FBH1: variants seen among roughly 807,000 people sequenced by gnomAD.
The protein encoded by FBH1 is F-box DNA helicase 1, also known as DNA 3'-5' helicase 1.
FBH1 carries 43 observed loss-of-function variants against 115.5 expected under a neutral mutation model. The ratio of observed to expected loss-of-function variants is 0.37; its 90% CI spans 0.29 to 0.48. The LOEUF is 0.48. FBH1 is among the 20% of genes least tolerant of loss of function. The pLI is 0.99. For synonymous variants in FBH1, 524 were observed against 507.8 expected, an observed-to-expected ratio of 1.03 and a Z score of -0.43; for missense variants, 1,001 against 1,337.3, an observed-to-expected ratio of 0.75 and a Z score of 3.92.
rs1454191347 is a variant in FBH1 at position 5,936,527 on chromosome 10, G to A, written c.2901G>A (p.Gln967=). ...KTGVVRCCVG[Q]CNNAIPVDTV... ...GCGTGGTGCGCTGCTGCGTGGGACA[G>A]TGCAACAATGCCATCCCTGTTGACA... is the stretch of plus-strand genomic sequence containing the variant. The change falls in exon 20 of 21, where the codon CAG becomes CAA. Residue 967 remains glutamine, a synonymous_variant. Transcript: ENST00000362091. The surrounding 1 kb of genome is among the most constrained non-coding windows in gnomAD (Gnocchi z 5.6). The A allele has an allele frequency of 6.2e-7, 1 of 1,614,198 alleles. No individual in the cohort carries two copies. Among genetic ancestry groups the A allele is most frequent in the South Asian group, 1.1e-5 (1 of 91,088 alleles).
Position 5,917,943 on chromosome 10 carries a change from G to A in FBH1, c.1963+267G>A, listed in dbSNP as rs1258640698. Reference sequence around the variant, plus strand: ...AGGGACCTAGACTCATGCTCTGTGGGAAGAGATCGTCCATTGACAGGGAAA... The same window carrying A: ...AGGGACCTAGACTCATGCTCTGTGGAAAGAGATCGTCCATTGACAGGGAAA... On this transcript the variant is annotated intron_variant, in intron 12 of 20. Transcript: ENST00000362091. This position sits in a 1 kb window ranked among gnomAD's most constrained non-coding sequence, Gnocchi z 5.6. Among the ~76,000 whole-genome samples the A allele has an allele frequency of 6.6e-6, 1 of 152,202 alleles. No individual in the cohort carries two copies. Among genetic ancestry groups the A allele is most frequent in the Non-Finnish European group, 1.5e-5 (1 of 68,046 alleles).
At chr10:5,894,606 A>G in intron 1 of FBH1, 5 of 757,460 alleles carry the variant, frequency 6.6e-6, no homozygotes, top group South Asian at 4.2e-5. Flanking sequence ...CAAAAGCTGT[A>G]AAGCACTTAG....
rs1407699228 is a variant in FBH1, at chr10:5,911,164, T to C, written c.1211+36T>C. 3 of 1,579,810 alleles carry C rather than the reference T, an allele frequency of 1.9e-6. No homozygotes were observed. The African/African-American group carries it at 4.0e-5, about 21-fold the overall frequency. On this transcript the variant is annotated intron_variant, in intron 6 of 20. Coordinates refer to ENST00000362091, the MANE Select transcript of FBH1 (RefSeq NM_178150.3). The surrounding 1 kb of genome is among the most constrained non-coding windows in gnomAD (Gnocchi z 5.4). ...GGGAGGAGGGGAGGGGATGCTGTGA[T>C]AATGGGAGAGTCCCAGACACAGCAG...
At chr10:5,902,559 T>C (rs995475590) in intron 1 of FBH1, among the ~76,000 whole-genome samples, 12 of 152,038 alleles carry the variant, frequency 7.9e-5, no homozygotes, top group African/African-American at 2.9e-4. Context: ...CTCCACCTCT[T>C]GGGTTCAAGC....
At position 5,917,659 on chromosome 10, in the gene FBH1, C is replaced by A; in HGVS notation, c.1946C>A (p.Ala649Asp). The stretch of plus-strand genomic sequence containing the variant: ...TTTGACGCCATCTTTGTGGATGAGG[C>A]CCAGGACTGCACACCAGGTGATACA... ...ASFDAIFVDE[A>D]QDCTPAIMNI... is the part of the protein sequence containing the mutation. The change falls in exon 12 of 21, where the codon GCC (alanine) becomes GAC (aspartate). Residue 649 changes from alanine to aspartate, a missense_variant. Transcript: ENST00000362091. The surrounding 1 kb of genome is among the most constrained non-coding windows in gnomAD (Gnocchi z 5.6). 6.2e-7 allele frequency: 1 copy of A among 1,613,684 alleles called. No individual in the cohort carries two copies. Among genetic ancestry groups the A allele is most frequent in the Non-Finnish European group, 8.5e-7 (1 of 1,179,776 alleles).
At chr10:5,907,070 C>T (rs1408271929) in intron 3 of FBH1, among the ~76,000 whole-genome samples, 2 of 151,836 alleles carry the variant, frequency 1.3e-5, no homozygotes, top group Non-Finnish European at 2.9e-5. Flanking sequence ...TCAAGTGATT[C>T]TCCTGCCTCA....
rs1831615854 is a variant in FBH1, at chr10:5,911,921, G to T, written c.1211+793G>T. 6.6e-6 allele frequency among the ~76,000 whole-genome samples: 1 copy of T among 152,118 alleles called. No individual in the cohort carries two copies. The highest frequency in any genetic ancestry group is 2.4e-5 in the African/African-American group (1 of 41,406). ...ACTGTGGGGAGAGCAGTTCAGAGAAGGTATAGATGCCTTAAGGGCCTGAAG... is the reference window on the plus strand; with the variant it reads ...ACTGTGGGGAGAGCAGTTCAGAGAATGTATAGATGCCTTAAGGGCCTGAAG... On this transcript the variant is annotated intron_variant, in intron 6 of 20. Coordinates refer to ENST00000362091, the MANE Select transcript of FBH1 (RefSeq NM_178150.3). The surrounding 1 kb of genome is among the most constrained non-coding windows in gnomAD (Gnocchi z 5.4).
In FBH1 at chr10:5,936,794, G is replaced by A. The variant is rs1268660084; in HGVS notation, c.2961+207G>A. ...GATGCTGCCTGGCTGTGCTGAAGCC[G>A]CAGGTCTGGGAGGCTGGGTTGTGAT... On this transcript the variant is annotated intron_variant, in intron 20 of 20. Coordinates refer to ENST00000362091, the MANE Select transcript of FBH1 (RefSeq NM_178150.3). The surrounding 1 kb of genome is among the most constrained non-coding windows in gnomAD (Gnocchi z 5.6). 6 of 663,936 alleles carry A rather than the reference G, an allele frequency of 9.0e-6. No individual in the cohort carries two copies. Among genetic ancestry groups the A allele is most frequent in the South Asian group, 8.1e-5 (4 of 49,330 alleles). The allele number at this position is 663,936 out of a possible 1,614,324, so 41.1% of individuals were successfully genotyped here.
At chr10:5,916,655 CTGAGGATGGGGGATCAGGGGAAGTGTT>C in intron 10 of FBH1, among the ~76,000 whole-genome samples, 199 bp downstream of exon 10, 1 of 143,590 alleles carries the variant, frequency 7.0e-6, no homozygotes, top group South Asian at 2.2e-4. Context: ...TGTTAGGGGT[CTGAGGATGGGGGATCAGGGGAAGTGTT>C]AGGGATCTGA....
chr10:5,891,182 T>A (rs962962129), intron 1 of FBH1: 72 of 985,710 alleles, frequency 7.3e-5, no homozygotes, highest in Non-Finnish European at 8.3e-5. Context: ...TCTGCCGCTG[T>A]GGTAAAATGA....
At chr10:5,889,817 C>G (rs1842579837), upstream of FBH1, 1 of 156,402 alleles carries the variant, frequency 6.4e-6, no homozygotes. Flanking sequence ...CAGCCTCGCC[C>G]GGCGCCGTGC....
At chr10:5,937,056 A>G (rs1406162079) in intron 20 of FBH1, 54 bp from the exon 21 acceptor site, 4 of 1,510,376 alleles carry the variant, frequency 2.6e-6, no homozygotes, top group Non-Finnish European at 3.6e-6. Context: ...TTTGCTGGAA[A>G]ATCCATGTTC....
intron 10 of FBH1, 82 bp downstream of exon 10, chr10:5,916,538 CAGGGGAAGTGTTAGGGGTCTGAGGATG>C (rs1831952614): frequency 3.5e-6 from 4 of 1,155,650 alleles, no homozygotes; most frequent in African/African-American, 2.6e-5. Context: ...GATGGGGAAA[CAGGGGAAGTGTTAGGGGTCTGAGGATG>C]GGGAAACAGG....
chr10:5,894,138 C>G, intron 1 of FBH1: 1 of 985,370 alleles, frequency 1.0e-6, no homozygotes, highest in Non-Finnish European at 1.2e-6. Flanking sequence ...CTGTGGTAGC[C>G]TGGCTCTGCG....
At position 5,937,469 on chromosome 10, in the gene FBH1, C is replaced by T; in HGVS notation, c.*189C>T. 2.0e-6 allele frequency: 1 copy of T among 489,404 alleles called. No homozygotes were observed. The highest frequency in any genetic ancestry group is 3.4e-6 in the Non-Finnish European group (1 of 295,666). The allele number at this position is 489,404 out of a possible 1,614,324, so 30.3% of individuals were successfully genotyped here. On this transcript the variant is annotated 3_prime_UTR_variant, in exon 21 of 21. Coordinates refer to ENST00000362091, the MANE Select transcript of FBH1 (RefSeq NM_178150.3). ...CTACAGACAGCCAGTCTCCACTTGC[C>T]TCCCCTCTGGATGTATCTGGTCAGG...
At position 5,910,809 on chromosome 10, in the gene FBH1, G is replaced by T; in HGVS notation, c.1021-129G>T. Reference sequence around the variant, plus strand: ...TCCCAAATACAACTTGGAAAGTTTGGATTCAGTCCAGACAGTCTGTAGCCA... The same window carrying T: ...TCCCAAATACAACTTGGAAAGTTTGTATTCAGTCCAGACAGTCTGTAGCCA... On this transcript the variant is annotated intron_variant, in intron 5 of 20. Transcript: ENST00000362091. This position sits in a 1 kb window ranked among gnomAD's most constrained non-coding sequence, Gnocchi z 4.8. 1.4e-6 allele frequency: 1 copy of T among 735,228 alleles called. No homozygotes were observed. The highest frequency in any genetic ancestry group is 2.8e-5 in the East Asian group (1 of 35,892). The allele number at this position is 735,228 out of a possible 1,614,324, so 45.5% of individuals were successfully genotyped here.
In FBH1 at chr10:5,908,992, A is replaced by G; in HGVS notation, c.821A>G (p.Asp274Gly). 6.2e-7 allele frequency: 1 copy of G among 1,614,192 alleles called. No individual in the cohort carries two copies. The highest frequency in any genetic ancestry group is 8.5e-7 in the Non-Finnish European group (1 of 1,180,038). ...MNEEQAVSKV[D>G]GILSNCGIEK... ...GAAGAGCAAGCTGTCAGCAAAGTGGACGGCATCCTGTCTAACTGTGGCATA... is the reference window on the plus strand; with the variant it reads ...GAAGAGCAAGCTGTCAGCAAAGTGGGCGGCATCCTGTCTAACTGTGGCATA... Residue 274 changes from aspartate (D) to glycine (G), a missense_variant, in exon 4 of 21, where the codon GAC becomes GGC. Asp to Gly is a moderately conservative substitution (Grantham distance 94). Coordinates refer to ENST00000362091, the MANE Select transcript of FBH1 (RefSeq NM_178150.3).
Position 5,937,532 on chromosome 10 carries a change from A to AG in FBH1, c.*252_*253insG, listed in dbSNP as rs1833442543. The AG allele has an allele frequency of 1.3e-5, 4 of 306,914 alleles. No homozygotes were observed. The highest frequency in any genetic ancestry group is 2.3e-5 in the Non-Finnish European group (4 of 172,222). The allele number at this position is 306,914 out of a possible 1,614,324, so 19.0% of individuals were successfully genotyped here. On this transcript the variant is annotated 3_prime_UTR_variant, in exon 21 of 21. Coordinates refer to ENST00000362091, the MANE Select transcript of FBH1 (RefSeq NM_178150.3). Reference sequence around the variant, plus strand: ...GTTCTTTTGATAAAAAAAAAAAAAAAAATTTATGTATTTAAACTTTTATTA... The same window carrying AG: ...GTTCTTTTGATAAAAAAAAAAAAAAAGAATTTATGTATTTAAACTTTTATTA...
At chr10:5,902,705 AGACGTGAG>A (rs1241695761) in intron 1 of FBH1, among the ~76,000 whole-genome samples, 1 of 152,184 alleles carries the variant, frequency 6.6e-6, no homozygotes, top group Non-Finnish European at 1.5e-5. Context: ...CTGGGATTAC[AGACGTGAG>A]CCAGCGCGCC....
Sources: allele counts gnomAD v4.1 joint callset (sites outside exome capture counted in the v4.1 genomes callset), GRCh38; gene constraint gnomAD v4.1.1; non-coding constraint Gnocchi (gnomAD v3.1); transcripts MANE v1.5; gene names NCBI Gene and HGNC (gene_info 2026-07-23, HGNC 2026-07-21).